SSBP3: variants seen among roughly 807,000 people sequenced by gnomAD.
The protein encoded by SSBP3 is single-stranded DNA-binding protein 3.
Under a neutral mutation model 69.6 loss-of-function variants are expected in SSBP3, and 5 were observed. The observed-to-expected ratio is 0.07, with a 90% confidence interval of 0.04 to 0.15. The LOEUF (loss-of-function observed/expected upper bound fraction) is 0.15. SSBP3 is among the 10% of genes least tolerant of loss of function. The pLI is 1.00. For synonymous variants in SSBP3, 196 were observed against 193.4 expected (o/e 1.01, Z -0.11); for missense variants, 312 against 534.0 (o/e 0.58, Z 4.10).
intron 4 of SSBP3, among the ~76,000 whole-genome samples, chr1:54,310,352 C>A (rs1645978475): frequency 6.6e-6 from 1 of 152,138 alleles, no homozygotes; most frequent in Non-Finnish European, 1.5e-5. Flanking sequence ...CACCTGGTCA[C>A]CTTCCATAGA....
chr1:54,411,460 A>G (rs1649987985), intron 1 of SSBP3, among the ~76,000 whole-genome samples: 2 of 148,786 alleles, frequency 1.3e-5, no homozygotes, highest in African/African-American at 4.9e-5. Flanking sequence ...CATGAGCGAC[A>G]GAACAATACT....
At chr1:54,413,133 C>T (rs1650034356) in intron 1 of SSBP3, 1 of 152,246 alleles carries the variant, frequency 6.6e-6, no homozygotes, top group Non-Finnish European at 1.5e-5. Context: ...CAGAGGTTCC[C>T]ATGCTCCTGA....
intron 4 of SSBP3, among the ~76,000 whole-genome samples, chr1:54,373,700 G>A (rs573466020): frequency 6.6e-6 from 1 of 151,660 alleles, no homozygotes; most frequent in African/African-American, 2.4e-5. Flanking sequence ...CCGGGAGGTG[G>A]AAGCTGCAGG....
intron 4 of SSBP3, among the ~76,000 whole-genome samples, chr1:54,353,292 G>A (rs1387486693): frequency 6.6e-6 from 1 of 152,184 alleles, no homozygotes; most frequent in South Asian, 2.1e-4. Context: ...CATTGCGAGG[G>A]GAAAAACTGC....
intron 4 of SSBP3, among the ~76,000 whole-genome samples, chr1:54,401,581 C>T (rs1557595639): frequency 6.6e-6 from 1 of 152,202 alleles, no homozygotes; most frequent in Non-Finnish European, 1.5e-5. Context: ...TAACATAAGT[C>T]TCACAGTTCT....
At chr1:54,309,481 G>A (rs1009593413) in intron 4 of SSBP3, among the ~76,000 whole-genome samples, 6 of 152,178 alleles carry the variant, frequency 3.9e-5, no homozygotes, top group Non-Finnish European at 8.8e-5. Flanking sequence ...CCTTGCTTTG[G>A]ACTGATATCT....
At chr1:54,338,496 C>T (rs1030968659) in intron 4 of SSBP3, among the ~76,000 whole-genome samples, 1 of 152,188 alleles carries the variant, frequency 6.6e-6, no homozygotes, top group African/African-American at 2.4e-5. Flanking sequence ...ACCCCACTTT[C>T]TCCACCCGCT....
intron 4 of SSBP3, among the ~76,000 whole-genome samples, chr1:54,290,598 C>T (rs1265062702): frequency 3.3e-5 from 5 of 152,224 alleles, no homozygotes; most frequent in African/African-American, 1.2e-4. Flanking sequence ...CCATTCATCC[C>T]AGGAAGCACC....
intron 4 of SSBP3, among the ~76,000 whole-genome samples, chr1:54,299,107 T>C (rs1030981797): frequency 3.9e-5 from 6 of 151,964 alleles, no homozygotes; most frequent in Admixed American, 1.3e-4. Context: ...GGGAAGACAA[T>C]ATTTTAGAAG....
chr1:54,233,694 G>A (rs1306016874), intron 14 of SSBP3, among the ~76,000 whole-genome samples: 13 of 126,614 alleles, frequency 1.0e-4, no homozygotes, highest in South Asian at 3.2e-4. Context: ...CCGGCCAGCC[G>A]CCCCGTCTGG....
At chr1:54,289,669 C>A (rs1645569185) in intron 4 of SSBP3, among the ~76,000 whole-genome samples, 1 of 152,106 alleles carries the variant, frequency 6.6e-6, no homozygotes, top group Non-Finnish European at 1.5e-5. Flanking sequence ...TAAAGGACGG[C>A]AGGACTCGAG....
At chr1:54,379,143 G>A (rs1170656814) in intron 4 of SSBP3, among the ~76,000 whole-genome samples, 1 of 152,202 alleles carries the variant, frequency 6.6e-6, no homozygotes, top group Non-Finnish European at 1.5e-5. Flanking sequence ...TTGGAGAAAA[G>A]AAAAACCCTC....
upstream of SSBP3, among the ~76,000 whole-genome samples, chr1:54,407,110 G>C (rs962149665): frequency 1.4e-4 from 21 of 152,144 alleles, no homozygotes; most frequent in Non-Finnish European, 1.9e-4. Context: ...AAACCCCAAA[G>C]TGGAGCCGCG....
At chr1:54,310,211 G>A (rs1002397217) in intron 4 of SSBP3, among the ~76,000 whole-genome samples, 8 of 150,182 alleles carry the variant, frequency 5.3e-5, no homozygotes, top group Non-Finnish European at 1.0e-4. Context: ...CCTCGGGGAG[G>A]CGCAGCCAAC....
intron 11 of SSBP3, 35 bp downstream of exon 11, chr1:54,242,127 CCT>C (rs758999315): frequency 1.1e-5 from 18 of 1,610,886 alleles, no homozygotes; most frequent in Non-Finnish European, 1.4e-5. Context: ...GAACCGCTCC[CCT>C]GACAAACACC....
chr1:54,242,795 C>T (rs989781460), intron 10 of SSBP3: 2 of 165,404 alleles, frequency 1.2e-5, no homozygotes, highest in South Asian at 1.6e-4. Flanking sequence ...ACTAAAAATA[C>T]AAAAATTGGC....
chr1:54,351,486 C>T (rs377113105), intron 4 of SSBP3, among the ~76,000 whole-genome samples: 1 of 152,172 alleles, frequency 6.6e-6, no homozygotes, highest in East Asian at 1.9e-4. Flanking sequence ...ACCTCCTGGG[C>T]CAAAATTCAA....
At chr1:54,316,572 C>T (rs1166735309) in intron 4 of SSBP3, among the ~76,000 whole-genome samples, 7 of 144,022 alleles carry the variant, frequency 4.9e-5, no homozygotes, top group Admixed American at 3.5e-4. Flanking sequence ...ACCCGGGAAG[C>T]GGAGCTTGCA....
At chr1:54,355,040 TTG>T (rs1646841662) in intron 4 of SSBP3, among the ~76,000 whole-genome samples, 2 of 152,122 alleles carry the variant, frequency 1.3e-5, no homozygotes, top group South Asian at 4.1e-4. Context: ...TGAGGCTGGG[TTG>T]TTTCCTCCTC....
Sources: gnomAD v4.1 joint callset for allele counts (sites outside exome capture counted in the v4.1 genomes callset) on GRCh38, gnomAD v4.1.1 for gene constraint, MANE v1.5 for transcripts, NCBI Gene and HGNC (gene_info 2026-07-23, HGNC 2026-07-21) for gene names.